Variants in FTO observed in about 807,000 individuals in gnomAD.
FTO encodes the protein FTO alpha-ketoglutarate dependent dioxygenase.
A neutral mutation model predicts 63.9 loss-of-function variants in FTO; 47 were observed. The observed-to-expected ratio is 0.74, with a 90% CI of 0.58 to 0.94. The LOEUF (loss-of-function observed/expected upper bound fraction) is 0.94, where lower values mean the gene tolerates loss of function less well. Among genes scored for constraint, FTO ranks in the 40% least tolerant of loss-of-function variants. The probability of loss-of-function intolerance (pLI) is 0.00; values close to 1 mark genes in which losing one functional copy is unlikely to be tolerated. For missense variants in FTO, 562 were observed against 618.1 expected, an observed-to-expected ratio of 0.91 and a Z score of 0.96; for synonymous variants, 207 against 224.4, an observed-to-expected ratio of 0.92 and a Z score of 0.69.
intron 8 of FTO, among the ~76,000 whole-genome samples, chr16:54,027,763 G>A (rs557706357): frequency 8.5e-5 from 13 of 152,270 alleles, no homozygotes; most frequent in Admixed American, 1.3e-4. Context: ...TGAAGCAATC[G>A]TGAGTTAATG....
chr16:54,068,074 C>T (rs2085776059), intron 8 of FTO, among the ~76,000 whole-genome samples: 1 of 150,958 alleles, frequency 6.6e-6, no homozygotes, highest in Non-Finnish European at 1.5e-5. Context: ...TCAATACCTG[C>T]CTGTGTGCTA....
intron 3 of FTO, among the ~76,000 whole-genome samples, chr16:53,843,477 A>C (rs2079531562): frequency 6.6e-6 from 1 of 152,194 alleles, no homozygotes. Flanking sequence ...TTATATGTTT[A>C]TGAGCTAGTT....
intron 8 of FTO, among the ~76,000 whole-genome samples, chr16:54,095,793 G>C (rs1171840653): frequency 6.6e-6 from 1 of 152,130 alleles, no homozygotes; most frequent in Non-Finnish European, 1.5e-5. Context: ...GGCCCCAAAG[G>C]TGACTTCGCA....
intron 8 of FTO, among the ~76,000 whole-genome samples, chr16:54,053,617 C>T (rs1327430971): frequency 6.6e-6 from 1 of 152,120 alleles, no homozygotes; most frequent in East Asian, 1.9e-4. Context: ...TCAGGGACTT[C>T]AATTTTGTGA....
intron 1 of FTO, among the ~76,000 whole-genome samples, chr16:53,808,308 T>C (rs1480155682): frequency 6.6e-6 from 1 of 151,868 alleles, no homozygotes; most frequent in Non-Finnish European, 1.5e-5. Flanking sequence ...CACTTCAGCC[T>C]GTGGGACAGA....
At chr16:53,989,075 G>A (rs553766502) in intron 8 of FTO, among the ~76,000 whole-genome samples, 8 of 152,232 alleles carry the variant, frequency 5.3e-5, no homozygotes, top group Admixed American at 1.3e-4. Flanking sequence ...TAAGTAGCCC[G>A]CCAAGGAGGA....
rs1026824008 is a variant in FTO, at chr16:53,796,329, C to T, written c.46-13811C>T. Among the ~76,000 whole-genome samples the T allele has an allele frequency of 3.3e-5, 5 of 152,272 alleles. No individual in the cohort carries two copies. The East Asian group carries it at 9.7e-4, about 29-fold the overall frequency. The stretch of plus-strand genomic sequence containing the variant: ...AAAGTGCCGGGACTGTAGGAGCGAG[C>T]CACTGCTCCTGGCCTAGTTTTTAAT... On this transcript the variant is annotated intron_variant, in intron 1 of 8. Coordinates refer to ENST00000471389, the MANE Select transcript of FTO (RefSeq NM_001080432.3).
intron 3 of FTO, among the ~76,000 whole-genome samples, chr16:53,834,622 G>T (rs1176738120): frequency 6.6e-6 from 1 of 151,994 alleles, no homozygotes; most frequent in Non-Finnish European, 1.5e-5. Context: ...ATTCAATACT[G>T]TGTTATTTTT....
At chr16:53,755,014 G>A (rs1266242593) in intron 1 of FTO, among the ~76,000 whole-genome samples, 1 of 152,194 alleles carries the variant, frequency 6.6e-6, no homozygotes, top group African/African-American at 2.4e-5. Context: ...GAAGCCACAT[G>A]TTTCCTAGGG....
At chr16:53,877,914 GA>G (rs1381544842) in intron 5 of FTO, among the ~76,000 whole-genome samples, 3 of 152,104 alleles carry the variant, frequency 2.0e-5, no homozygotes, top group Admixed American at 6.5e-5. Flanking sequence ...AATCTTGCAT[GA>G]AAATGCAATT....
intron 7 of FTO, among the ~76,000 whole-genome samples, chr16:53,907,724 C>T (rs1255070588): frequency 6.6e-6 from 1 of 152,188 alleles, no homozygotes; most frequent in African/African-American, 2.4e-5. Flanking sequence ...TCACATCATG[C>T]TCCCTTCTTC....
intron 8 of FTO, among the ~76,000 whole-genome samples, chr16:54,094,958 T>G (rs1237012310): frequency 6.6e-6 from 1 of 152,168 alleles, no homozygotes; most frequent in Non-Finnish European, 1.5e-5. Context: ...GTCTCCACAG[T>G]GGCTTCCAAG....
chr16:53,887,180 A>C (rs1336997655), intron 6 of FTO, among the ~76,000 whole-genome samples: 1 of 152,204 alleles, frequency 6.6e-6, no homozygotes, highest in Admixed American at 6.5e-5. Flanking sequence ...GGGTCAGTTG[A>C]TGTCATCAGG....
At chr16:54,010,751 GA>G (rs1190552908) in intron 8 of FTO, among the ~76,000 whole-genome samples, 2 of 152,178 alleles carry the variant, frequency 1.3e-5, no homozygotes, top group South Asian at 4.1e-4. Flanking sequence ...GTTCAACAGT[GA>G]ATTTGTGCCC....
At chr16:53,928,138 CACTCTAAAGAAT>C (rs1424116175) in intron 7 of FTO, among the ~76,000 whole-genome samples, 3 of 152,112 alleles carry the variant, frequency 2.0e-5, no homozygotes, top group African/African-American at 7.2e-5. Flanking sequence ...GAGCAGCCAG[CACTCTAAAGAAT>C]ATATTAATAC....
chr16:53,726,073 A>G (rs2076146368), intron 1 of FTO, among the ~76,000 whole-genome samples: 1 of 152,226 alleles, frequency 6.6e-6, no homozygotes. Context: ...ATGTATTTCT[A>G]CTACATAGAA....
rs1467878269 is a variant in FTO at position 54,112,819 on chromosome 16, T to C, written c.*904T>C. The C allele has an allele frequency of 6.6e-6, 1 of 152,158 alleles. No homozygotes were observed. Among genetic ancestry groups the C allele is most frequent in the Non-Finnish European group, 1.5e-5 (1 of 68,024 alleles). 9.4% of individuals were successfully genotyped at this position (152,158 alleles called of 1,614,324 possible). A position where few individuals can be genotyped will look rare whatever the true frequency, so the allele number is the denominator to read the frequency against. Reference sequence around the variant, plus strand: ...CATTATTTCGTGGATTTCACCAGCATAGTATAGTTTTTTTCTGTAAGTCCC... The same window carrying C: ...CATTATTTCGTGGATTTCACCAGCACAGTATAGTTTTTTTCTGTAAGTCCC... On this transcript the variant is annotated 3_prime_UTR_variant, in exon 9 of 9. Transcript: ENST00000471389.
rs554339604 is a variant in FTO, at chr16:53,833,569, G to A, written c.751+7078G>A. On this transcript the variant is annotated intron_variant, in intron 3 of 8. Coordinates refer to ENST00000471389, the MANE Select transcript of FTO (RefSeq NM_001080432.3). Reference sequence around the variant, plus strand: ...GTACTTTTGTGTGTATACTTTTTTTGTGTATATACTTTTGTGTATGTACTT... The same window carrying A: ...GTACTTTTGTGTGTATACTTTTTTTATGTATATACTTTTGTGTATGTACTT... Among the ~76,000 whole-genome samples the A allele has an allele frequency of 8.5e-5, 13 of 152,130 alleles. No individual in the cohort carries two copies. In the South Asian group the frequency reaches 1.9e-3, roughly 22 times the overall value.
At chr16:54,054,492 G>C (rs2085384975) in intron 8 of FTO, 1 of 152,134 alleles carries the variant, frequency 6.6e-6, no homozygotes, top group African/African-American at 2.4e-5. Flanking sequence ...GCCGGTATAA[G>C]ACTGGAAATC....
Sources: allele counts gnomAD v4.1 joint callset (sites outside exome capture counted in the v4.1 genomes callset), GRCh38; gene constraint gnomAD v4.1.1; transcripts MANE v1.5; gene names NCBI Gene and HGNC (gene_info 2026-07-23, HGNC 2026-07-21).